The following PTPRN2 variants were observed in gnomAD, a reference collection of about 807,000 sequenced individuals.
The protein encoded by PTPRN2 is protein tyrosine phosphatase receptor type N2.
In PTPRN2, 74 loss-of-function variants were observed where a neutral mutation model predicts 118.8. The ratio of observed to expected loss-of-function variants is 0.62; its 90% confidence interval spans 0.52 to 0.76. PTPRN2 has a LOEUF of 0.76. Among genes scored for constraint, PTPRN2 ranks in the 30% least tolerant of loss-of-function variants. The probability of loss-of-function intolerance (pLI) is 0.00; values close to 1 mark genes in which losing one functional copy is unlikely to be tolerated. For synonymous variants in PTPRN2, 641 were observed against 608.0 expected, an observed-to-expected ratio of 1.05 and a Z score of -0.80; for missense variants, 1,481 against 1,394.4, an observed-to-expected ratio of 1.06 and a Z score of -0.99.
At chr7:158,102,061 C>T (rs1273391100) in intron 10 of PTPRN2, among the ~76,000 whole-genome samples, 2 of 152,192 alleles carry the variant, frequency 1.3e-5, no homozygotes, top group Non-Finnish European at 2.9e-5. Flanking sequence ...TCTCCCAAGC[C>T]CCAGATCGCA....
Position 158,521,512 on chromosome 7 carries a change from G to A in PTPRN2, c.113-31727C>T, listed in dbSNP as rs913984624. ...ACGAATGATTTCTCAGGAGCAGCAC[G>A]CTGGGTGCTGGCTCAGGAGGAAGGT... On this transcript the variant is annotated intron_variant, in intron 1 of 22. Transcript: ENST00000389418. Among the ~76,000 whole-genome samples, 18 of 152,164 alleles carry A rather than the reference G, an allele frequency of 1.2e-4. 1 individual carries two copies. The highest frequency in any genetic ancestry group is 3.9e-4 in the African/African-American group (16 of 41,404).
Position 158,529,461 on chromosome 7 carries a change from G to C in PTPRN2, c.113-39676C>G, listed in dbSNP as rs373169972. ...GGACAGGGAAGGTGCTGCTGACCAC[G>C]GCCAGCAACGACGAGCCATGGTGAC... On this transcript the variant is annotated intron_variant, in intron 1 of 22. Coordinates refer to ENST00000389418, the MANE Select transcript of PTPRN2 (RefSeq NM_002847.5). The surrounding 1 kb of genome is among the most constrained non-coding windows in gnomAD (Gnocchi z 4.7). Among the ~76,000 whole-genome samples, 3 of 152,200 alleles carry C rather than the reference G, an allele frequency of 2.0e-5. No homozygotes were observed. The highest frequency in any genetic ancestry group is 7.2e-5 in the African/African-American group (3 of 41,452).
chr7:158,224,540 G>A (rs183799953), intron 3 of PTPRN2, among the ~76,000 whole-genome samples: 4 of 152,124 alleles, frequency 2.6e-5, no homozygotes, highest in African/African-American at 7.2e-5. Flanking sequence ...ACATCCACAG[G>A]CAAAAACAGG....
rs1224009992 is a variant in PTPRN2, at chr7:157,966,954, C to A, written c.1724-68217G>T. 3.3e-5 allele frequency among the ~76,000 whole-genome samples: 5 copies of A among 152,278 alleles called. No homozygotes were observed. The East Asian group carries it at 9.6e-4, about 29-fold the overall frequency. On this transcript the variant is annotated intron_variant, in intron 11 of 22. Coordinates refer to ENST00000389418, the MANE Select transcript of PTPRN2 (RefSeq NM_002847.5). ...AAAAAGGATTGCATTCTAAAAAGTT[C>A]TGTGTTTGAAAGTATATTTGTTTTC... is the stretch of plus-strand genomic sequence containing the variant.
rs1168476208 is a variant in PTPRN2, at chr7:158,015,595, G to C, written c.1723+65703C>G. Among the ~76,000 whole-genome samples the C allele has an allele frequency of 6.6e-6, 1 of 151,982 alleles. No individual in the cohort carries two copies. The highest frequency in any genetic ancestry group is 2.4e-5 in the African/African-American group (1 of 41,358). On this transcript the variant is annotated intron_variant, in intron 11 of 22. Transcript: ENST00000389418. This position sits in a 1 kb window ranked among gnomAD's most constrained non-coding sequence, Gnocchi z 4.2. ...TGGAATCCACTTTCAGGGGAAAGCAGAGCCCTTTCTCTTTACTCACCAGCA... is the reference window on the plus strand; with the variant it reads ...TGGAATCCACTTTCAGGGGAAAGCACAGCCCTTTCTCTTTACTCACCAGCA...
intron 12 of PTPRN2, among the ~76,000 whole-genome samples, chr7:157,817,900 G>GATGTGTGTATGTATC (rs1806521429): frequency 6.6e-6 from 1 of 151,952 alleles, no homozygotes; most frequent in Non-Finnish European, 1.5e-5. Context: ...TGTGTAGTGA[G>GATGTGTGTATGTATC]ATGTGTGTAT....
intron 3 of PTPRN2, among the ~76,000 whole-genome samples, chr7:158,266,657 C>T (rs375018378): frequency 1.3e-5 from 2 of 152,324 alleles, no homozygotes; most frequent in South Asian, 2.1e-4. Flanking sequence ...ACAGGCACAA[C>T]GGCCACTTCC....
intron 4 of PTPRN2, among the ~76,000 whole-genome samples, chr7:158,202,351 T>A (rs931288680): frequency 6.6e-6 from 1 of 151,994 alleles, no homozygotes; most frequent in African/African-American, 2.4e-5. Flanking sequence ...CCTCCCTCAG[T>A]AGGTGTCAGA....
intron 2 of PTPRN2, among the ~76,000 whole-genome samples, chr7:158,330,672 G>T (rs1804184088): frequency 9.0e-6 from 1 of 111,368 alleles, no homozygotes; most frequent in Non-Finnish European, 2.1e-5. Context: ...CACAATAAGA[G>T]CTGAGGCACA....
chr7:158,108,633 T>C (rs1422659447), intron 10 of PTPRN2, among the ~76,000 whole-genome samples: 1 of 152,214 alleles, frequency 6.6e-6, no homozygotes, highest in Non-Finnish European at 1.5e-5. Context: ...TGGAGTTGCA[T>C]GTCACATCTC....
In PTPRN2 at chr7:158,138,351, C is replaced by A; in HGVS notation, c.1075G>T (p.Glu359Ter). 2 of 1,613,778 alleles carry A rather than the reference C, an allele frequency of 1.2e-6. No individual in the cohort carries two copies. Among genetic ancestry groups the A allele is most frequent in the Non-Finnish European group, 1.7e-6 (2 of 1,180,018 alleles). The change falls in exon 7 of 23, where the codon GAG becomes TAG. Residue 359 changes from glutamate to a stop codon, truncating the protein, a stop_gained. Transcript: ENST00000389418. LOFTEE classifies it high-confidence loss of function. ...RGSPGRAALG[E>*]SGEQADGPKA... ...GGGCCATCCGCCTGTTCTCCAGACT[C>A]TCCCAGGGCCGCTCTCCCAGGGCTG...
intron 11 of PTPRN2, among the ~76,000 whole-genome samples, chr7:158,046,913 C>T (rs1231441266): frequency 2.0e-5 from 3 of 152,208 alleles, no homozygotes; most frequent in African/African-American, 7.2e-5. Context: ...AAAAGTCCAT[C>T]TAAATCCATC....
chr7:158,152,173 C>CAAAAAA (rs56870265), intron 6 of PTPRN2, among the ~76,000 whole-genome samples: 30,719 of 82,586 alleles, frequency 0.37, 6,291 homozygotes, highest in East Asian at 0.63. Flanking sequence ...GACTCTGTCT[C>CAAAAAA]AAAAAAAAAA....
At chr7:158,495,687 A>G (rs754724057) in intron 1 of PTPRN2, among the ~76,000 whole-genome samples, 4 of 152,314 alleles carry the variant, frequency 2.6e-5, no homozygotes, top group South Asian at 2.1e-4. Flanking sequence ...GCAGGAATAG[A>G]AAGCCATTTC....
chr7:158,389,234 C>T (rs1167742584), intron 2 of PTPRN2, among the ~76,000 whole-genome samples: 1 of 152,252 alleles, frequency 6.6e-6, no homozygotes, highest in East Asian at 1.9e-4. Context: ...CAGAATGAAA[C>T]ACGACACACC....
chr7:158,416,648 G>A (rs2123497), intron 2 of PTPRN2, among the ~76,000 whole-genome samples: 133,197 of 152,198 alleles, frequency 0.88, 58,956 homozygotes, highest in Non-Finnish European at 0.94. Flanking sequence ...GAAAAGGGAT[G>A]GTGCTGGAAG....
At chr7:158,135,272 T>G (rs1479515214) in intron 8 of PTPRN2, among the ~76,000 whole-genome samples, 1 of 152,218 alleles carries the variant, frequency 6.6e-6, no homozygotes, top group African/African-American at 2.4e-5. Context: ...GGCTACAAAT[T>G]ACAACTTTTC....
intron 21 of PTPRN2, among the ~76,000 whole-genome samples, chr7:157,564,054 C>G (rs1242273988): frequency 6.6e-6 from 1 of 152,212 alleles, no homozygotes; most frequent in Non-Finnish European, 1.5e-5. Flanking sequence ...AGGAGGAAAT[C>G]TAAGAACAGA....
Position 157,703,265 on chromosome 7 carries a change from C to A in PTPRN2, c.1789-20328G>T, listed in dbSNP as rs116687927. ...AGCAGAGATGGCTGCTAAGGACGCA[C>A]ACTGGGGTCCCCGACCGACTTTCGA... On this transcript the variant is annotated intron_variant, in intron 12 of 22. Transcript: ENST00000389418. 4.5e-3 allele frequency among the ~76,000 whole-genome samples: 679 copies of A among 152,320 alleles called. 2 individuals are homozygous for A. In the Middle Eastern group the frequency reaches 0.054, roughly 12 times the overall value.
Sources: allele counts gnomAD v4.1 joint callset (sites outside exome capture counted in the v4.1 genomes callset), GRCh38; gene constraint gnomAD v4.1.1; non-coding constraint Gnocchi (gnomAD v3.1); transcripts MANE v1.5; gene names NCBI Gene and HGNC (gene_info 2026-07-23, HGNC 2026-07-21).